The following EVPL variants were observed in gnomAD, a reference collection of about 807,000 sequenced individuals.
The protein encoded by EVPL is envoplakin, also known as 210 kDa cornified envelope precursor protein.
Under a neutral mutation model 129.7 loss-of-function variants are expected in EVPL, and 94 were observed. The ratio of observed to expected loss-of-function variants is 0.72; its 90% confidence interval spans 0.61 to 0.86. The LOEUF is 0.86. Among genes scored for constraint, EVPL ranks in the 40% least tolerant of loss-of-function variants. The pLI, the probability that EVPL is intolerant of heterozygous loss-of-function variation, is 0.00. For synonymous variants in EVPL, 1,172 were observed against 1,191.1 expected (o/e 0.98, Z 0.33); for missense variants, 2,625 against 2,721.1 (o/e 0.96, Z 0.79).
intron 1 of EVPL, among the ~76,000 whole-genome samples, chr17:76,026,482 G>A (rs1001066675): frequency 5.3e-5 from 8 of 152,148 alleles, no homozygotes; most frequent in Non-Finnish European, 8.8e-5. Flanking sequence ...CCTGAAGTTC[G>A]GGGATTATAG....
rs1010059879 is a variant in EVPL, at chr17:76,007,050, C to A, written c.*53G>T. The A allele has an allele frequency of 7.2e-7, 1 of 1,384,910 alleles. No individual in the cohort carries two copies. Among genetic ancestry groups the A allele is most frequent in the Admixed American group, 2.9e-5 (1 of 34,864 alleles). 85.8% of individuals were successfully genotyped at this position (1,384,910 alleles called of 1,614,324 possible). On this transcript the variant is annotated 3_prime_UTR_variant, in exon 22 of 22. Coordinates refer to ENST00000301607, the MANE Select transcript of EVPL (RefSeq NM_001988.4). The surrounding 1 kb of genome is among the most constrained non-coding windows in gnomAD (Gnocchi z 8.8). The stretch of plus-strand genomic sequence containing the variant: ...AGGCTGCTCTGAGGCAAGAGGTGTA[C>A]GTATCCTACCTGGCCCAACACACGC...
intron 4 of EVPL, 52 bp downstream of exon 4, chr17:76,023,240 C>A (rs372387239): frequency 1.4e-5 from 22 of 1,606,818 alleles, no homozygotes; most frequent in Non-Finnish European, 1.9e-5. Flanking sequence ...GGATTAAATG[C>A]AGTTCCGTAT....
chr17:76,012,118 G>A, intron 18 of EVPL, 29 bp from the exon 19 acceptor site: 3 of 1,549,784 alleles, frequency 1.9e-6, no homozygotes, highest in Non-Finnish European at 2.6e-6. Flanking sequence ...GAGTCAGGAG[G>A]CCAGGAAATG....
rs765829646 is a variant in EVPL at position 76,007,458 on chromosome 17, G to A, written c.5747C>T (p.Ser1916Leu). ...IEDPVTKKRL[S>L]VGEAVQKGWM... ...GCCCTTCTGGACGGCCTCGCCCACC[G>A]AGAGCCTCTTCTTGGTGACGGGGTC... The change falls in exon 22 of 22, where the codon TCG becomes TTG. Residue 1916 changes from serine (S) to leucine (L), a missense_variant. Around this residue, in one of 4 missense-constraint regions of EVPL, gnomAD observed 1,453 missense variants for 1,511.8 expected, o/e 0.96. Coordinates refer to ENST00000301607, the MANE Select transcript of EVPL (RefSeq NM_001988.4). The surrounding 1 kb of genome is among the most constrained non-coding windows in gnomAD (Gnocchi z 8.8). 82 of 1,608,836 alleles carry A rather than the reference G, an allele frequency of 5.1e-5. No homozygotes were observed. In the Middle Eastern group the frequency reaches 1.5e-3, roughly 29 times the overall value.
In EVPL at chr17:76,021,536, A is replaced by G. The variant is rs751173884; in HGVS notation, c.943T>C (p.Trp315Arg). The change falls in exon 9 of 22, where the codon TGG becomes CGG. Residue 315 changes from tryptophan (W) to arginine (R), a missense_variant. Trp to Arg is a moderately radical substitution (Grantham distance 101). Transcript: ENST00000301607. ...QAHQEALKME[W>R]QNFLNLCICQ... ...ATACACAGGTTCAGGAAGTTCTGCC[A>G]CTCCATCTTCAGGGCCTCCTGGTGG... 1.2e-6 allele frequency: 2 copies of G among 1,605,676 alleles called. No individual in the cohort carries two copies. The highest frequency in any genetic ancestry group is 1.7e-6 in the Non-Finnish European group (2 of 1,177,848).
Position 76,008,051 on chromosome 17 carries a change from C to T in EVPL, c.5154G>A (p.Glu1718=). 1 of 1,614,188 alleles carries T rather than the reference C, an allele frequency of 6.2e-7. No individual in the cohort carries two copies. The highest frequency in any genetic ancestry group is 8.5e-7 in the Non-Finnish European group (1 of 1,180,030). Residue 1718 remains glutamate (E), a synonymous_variant, in exon 22 of 22, where the codon GAG becomes GAA. Coordinates refer to ENST00000301607, the MANE Select transcript of EVPL (RefSeq NM_001988.4). The surrounding 1 kb of genome is among the most constrained non-coding windows in gnomAD (Gnocchi z 7.4). ...IDRGQYLQLQ[E]LECDWEEVTT... ...TGACCTCCTCCCAGTCACACTCGAG[C>T]TCCTGCAGCTGCAAGTACTGGCCCC...
chr17:76,012,741 T>C (rs1023895408), intron 18 of EVPL, among the ~76,000 whole-genome samples: 42 of 122,402 alleles, frequency 3.4e-4, no homozygotes, highest in African/African-American at 1.3e-3. Context: ...TTCTTTCTTT[T>C]CTTTTTTTTT....
intron 9 of EVPL, 119 bp downstream of exon 9, chr17:76,021,349 C>T (rs879205668): frequency 2.1e-6 from 2 of 951,694 alleles, no homozygotes; most frequent in African/African-American, 3.3e-5. Flanking sequence ...AGCCACCGCG[C>T]CCTGCCAGCT....
At chr17:76,026,070 T>C (rs1010236328) in intron 1 of EVPL, among the ~76,000 whole-genome samples, 3 of 150,878 alleles carry the variant, frequency 2.0e-5, no homozygotes, top group African/African-American at 7.3e-5. Flanking sequence ...GCCTCCCAAG[T>C]AGCTCTGACT....
chr17:76,018,710 G>T, intron 11 of EVPL, 110 bp from the exon 12 acceptor site: 1 of 1,304,332 alleles, frequency 7.7e-7, no homozygotes, highest in Non-Finnish European at 1.0e-6. Flanking sequence ...GCTGGAACAG[G>T]GACAAGAGTA....
rs571387855 is a variant in EVPL at position 76,018,389 on chromosome 17, G to A, written c.1439+57C>T. On this transcript the variant is annotated intron_variant, in intron 12 of 21. Coordinates refer to ENST00000301607, the MANE Select transcript of EVPL (RefSeq NM_001988.4). ...CTGTTGGGCCATGGGCTTGGACACC[G>A]CAGGGCCGGCCTGCTCTGCCCACAG... The A allele has an allele frequency of 5.9e-5, 92 of 1,557,628 alleles. 3 individuals carry two copies. Among genetic ancestry groups the A allele is most frequent in the Admixed American group, 5.7e-4 (29 of 50,750 alleles).
Position 76,007,469 on chromosome 17 carries a change from C to G in EVPL, c.5736G>C (p.Lys1912Asn), listed in dbSNP as rs1274839452. Residue 1912 changes from lysine to asparagine, a missense_variant, in exon 22 of 22, where the codon AAG becomes AAC. Transcript: ENST00000301607. This position sits in a 1 kb window ranked among gnomAD's most constrained non-coding sequence, Gnocchi z 8.8. Reference protein sequence around the residue: ...AFTGIEDPVTKKRLSVGEAVQ... With the variant: ...AFTGIEDPVTNKRLSVGEAVQ... Reference sequence around the variant, plus strand: ...CGGCCTCGCCCACCGAGAGCCTCTTCTTGGTGACGGGGTCCTCGATGCCGG... The same window carrying G: ...CGGCCTCGCCCACCGAGAGCCTCTTGTTGGTGACGGGGTCCTCGATGCCGG... 3 of 1,610,590 alleles carry G rather than the reference C, an allele frequency of 1.9e-6. No homozygotes were observed. Among genetic ancestry groups the G allele is most frequent in the Non-Finnish European group, 2.5e-6 (3 of 1,178,426 alleles).
intron 19 of EVPL, 28 bp downstream of exon 19, chr17:76,011,977 GA>G (rs781066141): frequency 1.2e-6 from 2 of 1,607,510 alleles, no homozygotes; most frequent in Non-Finnish European, 1.7e-6. Flanking sequence ...GATGCATGGA[GA>G]GGGGCAAGCT....
rs199559105 is a variant in EVPL, at chr17:76,007,952, G to A, written c.5253C>T (p.Ala1751=). The A allele has an allele frequency of 1.1e-5, 17 of 1,614,096 alleles. No homozygotes were observed. The African/African-American group carries it at 1.1e-4, about 10-fold the overall frequency. ...TAGAGATGCGCCGGCAGCGGAGGGC[G>A]GCCTCGATGGAGTACTGCTTCCCGC... is the stretch of plus-strand genomic sequence containing the variant. ...RKSGKQYSIE[A]ALRCRRISKE... Residue 1751 remains alanine, a synonymous_variant, in exon 22 of 22, where the codon GCC becomes GCT. Transcript: ENST00000301607. This position sits in a 1 kb window ranked among gnomAD's most constrained non-coding sequence, Gnocchi z 8.8.
Position 76,007,778 on chromosome 17 carries a change from G to A in EVPL, c.5427C>T (p.Thr1809=). The A allele has an allele frequency of 2.5e-6, 4 of 1,612,212 alleles. No individual in the cohort carries two copies. The highest frequency in any genetic ancestry group is 3.4e-6 in the Non-Finnish European group (4 of 1,178,598). Residue 1809 remains threonine (T), a synonymous_variant, in exon 22 of 22, where the codon ACC becomes ACT. Coordinates refer to ENST00000301607, the MANE Select transcript of EVPL (RefSeq NM_001988.4). The surrounding 1 kb of genome is among the most constrained non-coding windows in gnomAD (Gnocchi z 8.8). The part of the protein sequence containing the change: ...SPLASPAPQS[T]SFFSPSFSLG... Reference sequence around the variant, plus strand: ...GAGAGAAGCTGGGAGAGAAGAAACTGGTGCTCTGGGGGGCCGGGGAGGCGA... The same window carrying A: ...GAGAGAAGCTGGGAGAGAAGAAACTAGTGCTCTGGGGGGCCGGGGAGGCGA...
rs150585082 is a variant in EVPL, at chr17:76,008,235, C to T, written c.4970G>A (p.Arg1657Gln). 3.2e-5 allele frequency: 51 copies of T among 1,613,686 alleles called. No homozygotes were observed. The highest frequency in any genetic ancestry group is 3.3e-4 in the Middle Eastern group (2 of 6,084). ...REKDQIYEKE[R>Q]TLRDLHAKVS... ...CTTGGCGTGGAGGTCCCGGAGCGTC[C>T]GCTCCTTCTCGTAGATCTGGTCCTT... Residue 1657 changes from arginine (R) to glutamine (Q), a missense_variant, in exon 22 of 22, where the codon CGG becomes CAG. By Grantham distance (43) the Arg-to-Gln change is conservative (BLOSUM62 1). Transcript: ENST00000301607. This position sits in a 1 kb window ranked among gnomAD's most constrained non-coding sequence, Gnocchi z 7.4.
rs1469585117 is a variant in EVPL at position 76,008,862 on chromosome 17, T to C, written c.4343A>G (p.Glu1448Gly). 1 of 1,613,886 alleles carries C rather than the reference T, an allele frequency of 6.2e-7. No individual in the cohort carries two copies. Among genetic ancestry groups the C allele is most frequent in the Admixed American group, 1.7e-5 (1 of 60,000 alleles). Residue 1448 changes from glutamate to glycine, a missense_variant, in exon 22 of 22, where the codon GAG becomes GGG. Coordinates refer to ENST00000301607, the MANE Select transcript of EVPL (RefSeq NM_001988.4). The surrounding 1 kb of genome is among the most constrained non-coding windows in gnomAD (Gnocchi z 7.4). ...ELRQLTLRIQ[E>G]LEKRPPTVQE... The stretch of plus-strand genomic sequence containing the variant: ...CACCGTGGGAGGCCGCTTCTCGAGC[T>C]CCTGGATCCTCAAGGTCAGCTGCCG...
intron 14 of EVPL, 34 bp from the exon 15 acceptor site, chr17:76,015,662 G>A (rs2066414994): frequency 6.3e-7 from 1 of 1,590,704 alleles, no homozygotes; most frequent in Non-Finnish European, 8.6e-7. Context: ...TCTCTGGGCA[G>A]GTGGGTTCCG....
chr17:76,013,581 G>T lies in EVPL; in HGVS notation c.2373+845C>A, dbSNP rs1318270589. ...CCAACAGAACCCTGGGCATCACCGG[G>T]CCCCGTCCATCTCACTCACTGTCCC... On this transcript the variant is annotated intron_variant, in intron 18 of 21. Coordinates refer to ENST00000301607, the MANE Select transcript of EVPL (RefSeq NM_001988.4). This position sits in a 1 kb window ranked among gnomAD's most constrained non-coding sequence, Gnocchi z 4.3. 6.6e-6 allele frequency among the ~76,000 whole-genome samples: 1 copy of T among 152,064 alleles called. No individual in the cohort carries two copies. Among genetic ancestry groups the T allele is most frequent in the Non-Finnish European group, 1.5e-5 (1 of 68,014 alleles).
Sources: allele counts gnomAD v4.1 joint callset (sites outside exome capture counted in the v4.1 genomes callset), GRCh38; gene constraint gnomAD v4.1.1; regional missense constraint gnomAD v4.1.1; non-coding constraint Gnocchi (gnomAD v3.1); transcripts MANE v1.5; gene names NCBI Gene and HGNC (gene_info 2026-07-23, HGNC 2026-07-21).